The following DGKH variants were observed in gnomAD, a reference collection of about 807,000 sequenced individuals.
The protein encoded by DGKH is DAG kinase eta.
A neutral mutation model predicts 159.3 loss-of-function variants in DGKH; 90 were observed. The ratio of observed to expected loss-of-function variants is 0.57; its 90% CI spans 0.48 to 0.67. The LOEUF is 0.67. Among genes scored for constraint, DGKH ranks in the 30% least tolerant of loss-of-function variants. DGKH has a pLI of 0.00. For synonymous variants in DGKH, 536 were observed against 553.8 expected (o/e 0.97, Z 0.45); for missense variants, 1,181 against 1,506.1 (o/e 0.78, Z 3.57).
intron 29 of DGKH, among the ~76,000 whole-genome samples, chr13:42,227,578 G>T (rs1292112551): frequency 6.6e-6 from 1 of 152,140 alleles, no homozygotes; most frequent in Non-Finnish European, 1.5e-5. Context: ...CTAGGATTTG[G>T]CCTTGCTTTT....
intron 1 of DGKH, among the ~76,000 whole-genome samples, chr13:42,076,282 T>C (rs148252054): frequency 3.3e-5 from 5 of 152,216 alleles, no homozygotes. Context: ...AGCTCAATTC[T>C]TTATTGGCGT....
intron 21 of DGKH, among the ~76,000 whole-genome samples, chr13:42,207,042 C>CTTT (rs1566191928): frequency 2.1e-4 from 8 of 38,076 alleles, no homozygotes; most frequent in Admixed American, 1.0e-3. Flanking sequence ...TCTTTCTTTC[C>CTTT]TTCTTTCCTT....
At position 42,237,822 on chromosome 13, in the gene DGKH, T is replaced by C. The variant is rs1300946185; in HGVS notation, c.*8634T>C. 2.6e-5 allele frequency: 4 copies of C among 152,248 alleles called. No individual in the cohort carries two copies. Among genetic ancestry groups the C allele is most frequent in the Admixed American group, 6.5e-5 (1 of 15,290 alleles). 9.4% of individuals were successfully genotyped at this position (152,248 alleles called of 1,614,324 possible). A position where few individuals can be genotyped will look rare whatever the true frequency, so the allele number is the denominator to read the frequency against. The stretch of plus-strand genomic sequence containing the variant: ...GTCAGACACACTTAGCTGGTTCCTA[T>C]AGAAAAACACCAGTAAATGTGGATC... On this transcript the variant is annotated 3_prime_UTR_variant, in exon 30 of 30. Coordinates refer to ENST00000337343, the MANE Select transcript of DGKH (RefSeq NM_178009.5).
chr13:42,244,776 C>T (rs1594270494), downstream of DGKH, among the ~76,000 whole-genome samples: 1 of 149,524 alleles, frequency 6.7e-6, no homozygotes, highest in Non-Finnish European at 1.5e-5. Flanking sequence ...TAGTGGCGGG[C>T]GCCTGTAGTC....
intron 1 of DGKH, among the ~76,000 whole-genome samples, chr13:42,063,939 G>A (rs1456822308): frequency 8.3e-6 from 1 of 120,916 alleles, no homozygotes; most frequent in Non-Finnish European, 1.8e-5. Context: ...AACTCCGTCT[G>A]AAAAAAAAAA....
upstream of DGKH, among the ~76,000 whole-genome samples, chr13:42,046,172 A>G (rs1453579139): frequency 2.6e-5 from 4 of 152,264 alleles, no homozygotes; most frequent in Non-Finnish European, 5.9e-5. Context: ...CAATTACTGA[A>G]AAATCTGAAA....
chr13:42,133,901 C>A (rs971103446), intron 3 of DGKH, among the ~76,000 whole-genome samples: 1 of 152,084 alleles, frequency 6.6e-6, no homozygotes, highest in African/African-American at 2.4e-5. Flanking sequence ...TCTTACCTTC[C>A]TCAATTATTG....
At chr13:42,078,267 A>G (rs1954135892) in intron 1 of DGKH, among the ~76,000 whole-genome samples, 1 of 152,198 alleles carries the variant, frequency 6.6e-6, no homozygotes, top group South Asian at 2.1e-4. Context: ...GGGATGTGTG[A>G]AAATCAGAGG....
chr13:42,161,101 T>C (rs1708818123), intron 7 of DGKH, among the ~76,000 whole-genome samples: 1 of 152,194 alleles, frequency 6.6e-6, no homozygotes. Flanking sequence ...TTTAATCTAA[T>C]ATATAGACTG....
At chr13:42,250,516 G>T (rs1182530468) in intron 29 of DGKH, among the ~76,000 whole-genome samples, 2 of 152,126 alleles carry the variant, frequency 1.3e-5, no homozygotes, top group African/African-American at 4.8e-5. Flanking sequence ...GCCTTGAAAA[G>T]CTATGTTCTG....
Position 42,199,554 on chromosome 13 carries a change from C to G in DGKH, c.2286-12C>G. ...CAAATTGACTTTGATGTACTTTTCC[C>G]TGTGATCATAGAGATGGATATTCAG... On this transcript the variant is annotated splice_polypyrimidine_tract_variant and intron_variant, in intron 18 of 29. Transcript: ENST00000337343. The G allele has an allele frequency of 7.8e-6, 12 of 1,537,852 alleles. No individual in the cohort carries two copies. The highest frequency in any genetic ancestry group is 9.7e-6 in the Non-Finnish European group (11 of 1,133,878).
chr13:42,069,457 A>G, intron 1 of DGKH: 3 of 1,548,030 alleles, frequency 1.9e-6, no homozygotes, highest in Non-Finnish European at 2.7e-6. Flanking sequence ...TTTATCAACA[A>G]CATCAGTAGA....
At chr13:42,254,631 GAAA>G (rs200462395) in intron 30 of DGKH, among the ~76,000 whole-genome samples, 2 of 111,474 alleles carry the variant, frequency 1.8e-5, no homozygotes, top group Middle Eastern at 5.4e-3. Flanking sequence ...AGCTCCGTCA[GAAA>G]AAAAAAAAAA....
In DGKH at chr13:42,199,820, A is replaced by C; in HGVS notation, c.2404A>C (p.Thr802Pro). The C allele has an allele frequency of 6.3e-7, 1 of 1,599,802 alleles. No homozygotes were observed. Among genetic ancestry groups the C allele is most frequent in the Non-Finnish European group, 8.5e-7 (1 of 1,176,408 alleles). Residue 802 changes from threonine (T) to proline (P), a missense_variant, in exon 20 of 30, where the codon ACT becomes CCT. By Grantham distance (38) the Thr-to-Pro change is conservative (BLOSUM62 -1). This residue lies in a region of DGKH where 335 missense variants were observed against 495.2 expected (regional missense o/e 0.68). Coordinates refer to ENST00000337343, the MANE Select transcript of DGKH (RefSeq NM_178009.5). ...GCCAATATTTATTTTCAGGAGCCGA[A>C]CTAAAAACTTGATGTGGTATGGAGT... ...EEHPEKCRSR[T>P]KNLMWYGVLG...
At chr13:42,067,708 A>G (rs569626027) in intron 1 of DGKH, among the ~76,000 whole-genome samples, 1 of 151,746 alleles carries the variant, frequency 6.6e-6, no homozygotes, top group African/African-American at 2.4e-5. Context: ...TTAATTAATT[A>G]ATTTTTTTTT....
intron 1 of DGKH, among the ~76,000 whole-genome samples, chr13:42,055,956 C>T (rs1881726631): frequency 6.6e-6 from 1 of 152,158 alleles, no homozygotes; most frequent in Non-Finnish European, 1.5e-5. Context: ...CTGAGACAAA[C>T]TTTAGCAAAA....
chr13:42,044,982 G>A (rs888537797), upstream of DGKH, among the ~76,000 whole-genome samples: 2 of 152,168 alleles, frequency 1.3e-5, no homozygotes, highest in African/African-American at 4.8e-5. Flanking sequence ...TTAGTTGGGG[G>A]ATGCTAGAGT....
At chr13:42,073,633 G>A (rs1226581450) in intron 1 of DGKH, among the ~76,000 whole-genome samples, 1 of 152,158 alleles carries the variant, frequency 6.6e-6, no homozygotes, top group Non-Finnish European at 1.5e-5. Context: ...GTGATATTTG[G>A]CAGGTTAGGC....
At chr13:42,106,997 T>C (rs1396091438) in intron 1 of DGKH, among the ~76,000 whole-genome samples, 2 of 152,096 alleles carry the variant, frequency 1.3e-5, no homozygotes, top group South Asian at 4.1e-4. Context: ...TGAGCTGAGA[T>C]TGCACCACTG....
Sources: gnomAD v4.1 joint callset for allele counts (sites outside exome capture counted in the v4.1 genomes callset) on GRCh38, gnomAD v4.1.1 for gene constraint, gnomAD v4.1.1 regional missense constraint, MANE v1.5 for transcripts, NCBI Gene and HGNC (gene_info 2026-07-23, HGNC 2026-07-21) for gene names.